Variants in CCDC146 observed in about 807,000 individuals in gnomAD.
CCDC146 encodes the protein coiled-coil domain containing 146.
In CCDC146, 92 loss-of-function variants were observed where a neutral mutation model predicts 119.3. The ratio of observed to expected loss-of-function variants is 0.77; its 90% CI spans 0.65 to 0.92. CCDC146 has a LOEUF of 0.92. CCDC146 is among the 40% of genes least tolerant of loss of function. The probability of loss-of-function intolerance (pLI) is 0.00; values close to 1 mark genes in which losing one functional copy is unlikely to be tolerated. For missense variants in CCDC146, 1,000 were observed against 1,103.0 expected (o/e 0.91, Z 1.32); for synonymous variants, 372 against 371.8 (o/e 1.00, Z -0.01).
chr7:77,146,343 AC>A (rs768086087), intron 1 of CCDC146, among the ~76,000 whole-genome samples: 16 of 152,064 alleles, frequency 1.1e-4, no homozygotes, highest in Non-Finnish European at 2.1e-4. Context: ...AATACAGCAC[AC>A]CGATGAGTCT....
intron 4 of CCDC146, among the ~76,000 whole-genome samples, chr7:77,246,905 A>C (rs1199045793): frequency 6.6e-6 from 1 of 152,230 alleles, no homozygotes; most frequent in Non-Finnish European, 1.5e-5. Context: ...CCTGGCACAC[A>C]GTATGTTCAG....
chr7:77,237,200 G>T (rs898452556), intron 3 of CCDC146, 171 bp downstream of exon 3: 1 of 591,026 alleles, frequency 1.7e-6, no homozygotes, highest in Non-Finnish European at 3.1e-6. Flanking sequence ...GGGGAAGTGC[G>T]ACTGGGAAGG....
chr7:77,247,642 CATAA>C (rs1172418594), intron 4 of CCDC146, among the ~76,000 whole-genome samples: 1 of 151,766 alleles, frequency 6.6e-6, no homozygotes, highest in African/African-American at 2.4e-5. Context: ...AGGCAAAGGA[CATAA>C]ATAGACATTT....
At chr7:77,293,262 C>CGT in intron 18 of CCDC146, 62 bp downstream of exon 18, 4 of 1,482,204 alleles carry the variant, frequency 2.7e-6, no homozygotes, top group Non-Finnish European at 3.6e-6. Context: ...ATTCAGGCAA[C>CGT]CCACAGTTAT....
At chr7:77,256,981 C>T (rs1431752356) in intron 6 of CCDC146, among the ~76,000 whole-genome samples, 1 of 152,066 alleles carries the variant, frequency 6.6e-6, no homozygotes, top group Non-Finnish European at 1.5e-5. Flanking sequence ...TGGTGGATGC[C>T]TCTAATCCCA....
At chr7:77,210,718 G>T (rs1268007419) in intron 2 of CCDC146, among the ~76,000 whole-genome samples, 2 of 152,158 alleles carry the variant, frequency 1.3e-5, no homozygotes. Context: ...AGATTTAATT[G>T]GCTCATAGTT....
intron 1 of CCDC146, among the ~76,000 whole-genome samples, chr7:77,154,600 C>T (rs77773460): frequency 0.14 from 21,550 of 151,348 alleles, 1,923 homozygotes; most frequent in East Asian, 0.3. Context: ...GTGATGGTTT[C>T]CAGTTTCATC....
At chr7:77,152,274 A>T (rs1413561605) in intron 1 of CCDC146, among the ~76,000 whole-genome samples, 1 of 152,168 alleles carries the variant, frequency 6.6e-6, no homozygotes, top group Non-Finnish European at 1.5e-5. Flanking sequence ...AAGGTAGGAA[A>T]ATTGGCTTGG....
chr7:77,289,690 T>C (rs2150556380), intron 17 of CCDC146, among the ~76,000 whole-genome samples: 1 of 152,362 alleles, frequency 6.6e-6, no homozygotes, highest in Non-Finnish European at 1.5e-5. Context: ...AGTGTCTCAC[T>C]TCTCCTAGAT....
intron 2 of CCDC146, chr7:77,199,852 G>A (rs1293374321): frequency 5.8e-6 from 9 of 1,544,976 alleles, no homozygotes; most frequent in Admixed American, 5.8e-5. Flanking sequence ...CTTTAATAGC[G>A]GCAGCTGCCT....
At chr7:77,280,679 C>T (rs760012008) in intron 14 of CCDC146, 26 bp downstream of exon 14, 3 of 1,498,380 alleles carry the variant, frequency 2.0e-6, no homozygotes, top group Non-Finnish European at 2.8e-6. Context: ...GAGAACAGAG[C>T]ACCAGGGATC....
At chr7:77,195,389 AT>A (rs1047661782) in intron 2 of CCDC146, 3 of 152,184 alleles carry the variant, frequency 2.0e-5, no homozygotes, top group African/African-American at 7.2e-5. Flanking sequence ...ATGCTACCAC[AT>A]TTTTAAACGG....
chr7:77,139,672 A>C (rs1261238207), intron 1 of CCDC146, among the ~76,000 whole-genome samples: 1 of 152,060 alleles, frequency 6.6e-6, no homozygotes, highest in Non-Finnish European at 1.5e-5. Context: ...TATGAATCTA[A>C]AACTACCCCC....
chr7:77,292,945 A>C lies in CCDC146; in HGVS notation c.2416-7A>C. ...CATAGACTAAGCTTTGGGCTCTTTA[A>C]TTCTAGATGAATGGCTATCAAAGAA... On this transcript the variant is annotated splice_polypyrimidine_tract_variant and splice_region_variant and intron_variant, in intron 17 of 18. Transcript: ENST00000285871. 1.2e-6 allele frequency: 2 copies of C among 1,612,632 alleles called. No homozygotes were observed. Among genetic ancestry groups the C allele is most frequent in the Non-Finnish European group, 1.7e-6 (2 of 1,179,808 alleles).
intron 2 of CCDC146, among the ~76,000 whole-genome samples, chr7:77,213,978 C>T (rs895324409): frequency 1.3e-5 from 2 of 152,094 alleles, no homozygotes; most frequent in Admixed American, 1.3e-4. Flanking sequence ...CTTTGAGAAT[C>T]CCAGCAGTGG....
rs962407069 is a variant in CCDC146 at position 77,246,720 on chromosome 7, A to G, written c.449+4820A>G. Reference sequence around the variant, plus strand: ...GTGGAATATTTAAATAATGCATTCCAGAAATACCTTGTTACTGAACCTCTG... The same window carrying G: ...GTGGAATATTTAAATAATGCATTCCGGAAATACCTTGTTACTGAACCTCTG... On this transcript the variant is annotated intron_variant, in intron 4 of 18. Coordinates refer to ENST00000285871, the MANE Select transcript of CCDC146 (RefSeq NM_020879.3). 2.0e-5 allele frequency among the ~76,000 whole-genome samples: 3 copies of G among 152,372 alleles called. No homozygotes were observed. In the East Asian group the frequency reaches 5.8e-4, roughly 29 times the overall value.
At position 77,254,769 on chromosome 7, in the gene CCDC146, A is replaced by G. The variant is rs572655193; in HGVS notation, c.507+206A>G. 7.2e-5 allele frequency among the ~76,000 whole-genome samples: 11 copies of G among 152,360 alleles called. No homozygotes were observed. In the East Asian group the frequency reaches 2.1e-3, roughly 29 times the overall value. On this transcript the variant is annotated intron_variant, in intron 5 of 18. Transcript: ENST00000285871. The stretch of plus-strand genomic sequence containing the variant: ...CTATTATAGACTTTAGCAACTTGGC[A>G]TCTAATTTAGGCTGTATTTAGTTGG...
intron 2 of CCDC146, among the ~76,000 whole-genome samples, chr7:77,191,670 A>T (rs1791765344): frequency 6.6e-6 from 1 of 151,892 alleles, no homozygotes; most frequent in Non-Finnish European, 1.5e-5. Flanking sequence ...GCACTTTGGG[A>T]GGCCAAGGTG....
chr7:77,178,221 T>G (rs983872354), intron 2 of CCDC146, among the ~76,000 whole-genome samples: 1 of 152,198 alleles, frequency 6.6e-6, no homozygotes, highest in African/African-American at 2.4e-5. Context: ...ACATGGAGAT[T>G]GATTTTGGCC....
Sources: allele counts gnomAD v4.1 joint callset (sites outside exome capture counted in the v4.1 genomes callset), GRCh38; gene constraint gnomAD v4.1.1; transcripts MANE v1.5; gene names NCBI Gene and HGNC (gene_info 2026-07-23, HGNC 2026-07-21).